SLC22A24: variants seen among roughly 807,000 people sequenced by gnomAD.
SLC22A24 encodes steroid transmembrane transporter SLC22A24.
SLC22A24 carries 53 observed loss-of-function variants against 49.8 expected under a neutral mutation model. The ratio of observed to expected loss-of-function variants is 1.06; its 90% CI spans 0.85 to 1.34. The LOEUF (loss-of-function observed/expected upper bound fraction) is 1.34. SLC22A24 is among the 40% of genes most tolerant of loss of function. The probability of loss-of-function intolerance (pLI) is 0.00; values close to 1 mark genes in which losing one functional copy is unlikely to be tolerated. For missense variants in SLC22A24, 786 were observed against 675.9 expected (o/e 1.16, Z -1.81); for synonymous variants, 302 against 256.4 (o/e 1.18, Z -1.70).
Position 63,081,131 on chromosome 11 carries a change from T to A in SLC22A24, c.1395-8A>T, listed in dbSNP as rs1246581455. On this transcript the variant is annotated splice_polypyrimidine_tract_variant and splice_region_variant and intron_variant, in intron 8 of 9. Transcript: ENST00000612278. ...ATTCCTGCAACTGTTGACCTTAGAG[T>A]GCAAATAACAATACAAAAAATCTTG... 2.6e-6 allele frequency: 4 copies of A among 1,550,032 alleles called. No individual in the cohort carries two copies. The highest frequency in any genetic ancestry group is 3.5e-6 in the Non-Finnish European group (4 of 1,145,602).
intron 2 of SLC22A24, among the ~76,000 whole-genome samples, chr11:63,133,811 A>G (rs1255588282): frequency 6.6e-6 from 1 of 151,878 alleles, no homozygotes; most frequent in Non-Finnish European, 1.5e-5. Context: ...TGCCAGGCTA[A>G]TTTTTGTATT....
rs755575498 is a variant in SLC22A24, at chr11:63,143,691, A to G, written c.89T>C (p.Leu30Pro). The change falls in exon 1 of 10, where the codon CTA becomes CCA. Residue 30 changes from leucine (L) to proline (P), a missense_variant. Coordinates refer to ENST00000612278, the MANE Select transcript of SLC22A24 (RefSeq NM_001136506.2). Reference protein sequence around the residue: ...LIAFFCITNILLFPNIVLENF... With the variant: ...LIAFFCITNIPLFPNIVLENF... ...CTCCAACACAATATTAGGGAACAGTAGGATGTTGGTGATGCAAAAGAAAGC... is the reference window on the plus strand; with the variant it reads ...CTCCAACACAATATTAGGGAACAGTGGGATGTTGGTGATGCAAAAGAAAGC... 1.5e-5 allele frequency: 24 copies of G among 1,578,812 alleles called. No homozygotes were observed.
At chr11:63,117,619 G>A (rs905743511) in intron 4 of SLC22A24, among the ~76,000 whole-genome samples, 4 of 152,130 alleles carry the variant, frequency 2.6e-5, no homozygotes, top group Non-Finnish European at 5.9e-5. Flanking sequence ...AAGATGTTAA[G>A]GATTAAGACC....
chr11:63,115,878 CACTCTG>C (rs1413106930), intron 4 of SLC22A24: 1 of 263,080 alleles, frequency 3.8e-6, no homozygotes, highest in Non-Finnish European at 7.4e-6. Context: ...CAGAGATATC[CACTCTG>C]AAGTCTTTGT....
intron 2 of SLC22A24, among the ~76,000 whole-genome samples, chr11:63,129,666 G>A (rs1215913528): frequency 6.6e-6 from 1 of 152,168 alleles, no homozygotes; most frequent in Non-Finnish European, 1.5e-5. Flanking sequence ...GCAGTGGTTT[G>A]TAGTTTTCCT....
At chr11:63,086,355 A>G (rs993857908) in intron 6 of SLC22A24, among the ~76,000 whole-genome samples, 15 of 152,346 alleles carry the variant, frequency 9.8e-5, no homozygotes, top group Admixed American at 9.1e-4. Context: ...CTATGCAGCC[A>G]TAAAGAGGAA....
At chr11:63,100,342 G>C (rs1414462221) in intron 5 of SLC22A24, among the ~76,000 whole-genome samples, 1 of 151,866 alleles carries the variant, frequency 6.6e-6, no homozygotes, top group Non-Finnish European at 1.5e-5. Context: ...AAAATACCTA[G>C]GAATAAATTT....
chr11:63,104,047 T>C (rs1565328199), intron 5 of SLC22A24, 128 bp downstream of exon 5: 4 of 834,612 alleles, frequency 4.8e-6, no homozygotes, highest in African/African-American at 1.7e-5. Flanking sequence ...ATATATATTT[T>C]ATCAGGACAG....
chr11:63,096,242 C>T (rs118006559), intron 5 of SLC22A24, 136 bp from the exon 6 acceptor site: 20,301 of 582,358 alleles, frequency 0.035, 490 homozygotes, highest in Non-Finnish European at 0.049. Flanking sequence ...GGAATATGAG[C>T]ATTAAATAAT....
chr11:63,083,566 A>G, intron 6 of SLC22A24, 109 bp from the exon 7 acceptor site: 1 of 842,836 alleles, frequency 1.2e-6, no homozygotes, highest in Non-Finnish European at 1.8e-6. Flanking sequence ...TATTGACCCA[A>G]TTGGCAAATG....
chr11:63,105,086 T>C (rs578130921), intron 4 of SLC22A24, among the ~76,000 whole-genome samples: 26 of 152,342 alleles, frequency 1.7e-4, no homozygotes, highest in South Asian at 4.1e-4. Context: ...AAGCTCCAAA[T>C]GATGTTCCTT....
chr11:63,116,611 T>C (rs1201079384), intron 4 of SLC22A24, among the ~76,000 whole-genome samples: 1 of 152,178 alleles, frequency 6.6e-6, no homozygotes, highest in Admixed American at 6.5e-5. Flanking sequence ...GTTTTTGAAT[T>C]TCTTGGGTGT....
chr11:63,085,165 CA>C (rs2086980323), intron 6 of SLC22A24, among the ~76,000 whole-genome samples: 1 of 151,962 alleles, frequency 6.6e-6, no homozygotes, highest in African/African-American at 2.4e-5. Context: ...AAAAAATTAA[CA>C]TTTTAGAAAA....
intron 2 of SLC22A24, among the ~76,000 whole-genome samples, chr11:63,128,972 T>A (rs2087313981): frequency 6.6e-6 from 1 of 152,194 alleles, no homozygotes; most frequent in Admixed American, 6.5e-5. Flanking sequence ...GTAGGGCTGG[T>A]CCCTACAAAT....
At chr11:63,106,587 C>T (rs1335956087) in intron 4 of SLC22A24, among the ~76,000 whole-genome samples, 4 of 152,146 alleles carry the variant, frequency 2.6e-5, no homozygotes, top group Non-Finnish European at 5.9e-5. Context: ...CTCTCCAGCA[C>T]CTGTTGTTTC....
At chr11:63,104,011 T>C in intron 5 of SLC22A24, 164 bp downstream of exon 5, 1 of 605,632 alleles carries the variant, frequency 1.7e-6, no homozygotes, top group Non-Finnish European at 2.7e-6. Context: ...AATATCTATA[T>C]CCAAATCTTT....
chr11:63,109,861 A>G (rs1230186782), intron 4 of SLC22A24, among the ~76,000 whole-genome samples: 1 of 151,016 alleles, frequency 6.6e-6, no homozygotes, highest in African/African-American at 2.4e-5. Context: ...ATTAGATCCC[A>G]TTTGTCAATT....
At chr11:63,113,201 T>TATATATATAC (rs1555048925) in intron 4 of SLC22A24, among the ~76,000 whole-genome samples, 3 of 3,994 alleles carry the variant, frequency 7.5e-4, no homozygotes, top group African/African-American at 1.8e-3. Flanking sequence ...CATATATATA[T>TATATATATAC]ACATATATAT....
intron 5 of SLC22A24, among the ~76,000 whole-genome samples, chr11:63,099,633 A>G (rs2134647884): frequency 6.6e-6 from 1 of 152,128 alleles, no homozygotes; most frequent in South Asian, 2.1e-4. Context: ...AAAGAAAACT[A>G]CAGGTTAATA....
Sources: gnomAD v4.1 joint callset for allele counts (sites outside exome capture counted in the v4.1 genomes callset) on GRCh38, gnomAD v4.1.1 for gene constraint, MANE v1.5 for transcripts, NCBI Gene and HGNC (gene_info 2026-07-23, HGNC 2026-07-21) for gene names.